ABR: variants seen among roughly 807,000 people sequenced by gnomAD.
The protein encoded by ABR is ABR activator of RhoGEF and GTPase.
In ABR, 35 loss-of-function variants were observed where a neutral mutation model predicts 107.2. The observed-to-expected ratio is 0.33, with a 90% CI of 0.25 to 0.43. ABR has a LOEUF of 0.43. Among genes scored for constraint, ABR ranks in the 20% least tolerant of loss-of-function variants. The pLI is 1.00. For missense variants in ABR, 815 were observed against 1,115.2 expected (o/e 0.73, Z 3.83); for synonymous variants, 498 against 462.0 (o/e 1.08, Z -1.00).
At position 1,104,995 on chromosome 17, in the gene ABR, T is replaced by C. The variant is rs571284988; in HGVS notation, c.247-4260A>G. Among the ~76,000 whole-genome samples, 11 of 151,764 alleles carry C rather than the reference T, an allele frequency of 7.2e-5. No individual in the cohort carries two copies. The South Asian group carries it at 1.2e-3, about 17-fold the overall frequency. The stretch of plus-strand genomic sequence containing the variant: ...CTATTCTTTACTCAATATTGTTCTT[T>C]ACAGTAACTTTTTTTTTTTTTTTTT... On this transcript the variant is annotated intron_variant, in intron 2 of 22. Coordinates refer to ENST00000302538, the MANE Select transcript of ABR (RefSeq NM_021962.5).
chr17:1,067,053 G>A, intron 10 of ABR, 24 bp downstream of exon 10: 3 of 1,610,124 alleles, frequency 1.9e-6, no homozygotes, highest in Non-Finnish European at 2.5e-6. Context: ...AGGGCCCCAG[G>A]CTCAGATACC....
intron 5 of ABR, among the ~76,000 whole-genome samples, chr17:1,079,607 G>A (rs1333162597): frequency 1.3e-5 from 2 of 151,862 alleles, no homozygotes; most frequent in Admixed American, 6.6e-5. Flanking sequence ...TGGTCAACAC[G>A]GTGAAACCCC....
At chr17:1,107,429 T>A (rs1291811765) in intron 2 of ABR, among the ~76,000 whole-genome samples, 1 of 152,180 alleles carries the variant, frequency 6.6e-6, no homozygotes, top group Admixed American at 6.5e-5. Context: ...TCCAGGAGAA[T>A]GGGATATAAT....
chr17:1,146,038 A>G (rs1316205345), intron 1 of ABR, among the ~76,000 whole-genome samples: 2 of 151,570 alleles, frequency 1.3e-5, no homozygotes, highest in Non-Finnish European at 2.9e-5. Flanking sequence ...CCTTCTCCCC[A>G]CTCCCAGCTC....
intron 5 of ABR, 173 bp downstream of exon 5, chr17:1,083,347 C>A (rs562833752): frequency 7.6e-5 from 22 of 289,674 alleles, no homozygotes; most frequent in African/African-American, 4.6e-4. Flanking sequence ...TAAAATAGAT[C>A]GTTTTCTATT....
intron 3 of ABR, among the ~76,000 whole-genome samples, chr17:1,098,075 CTTTTTTT>C (rs71372509): frequency 1.4e-5 from 2 of 140,668 alleles, no homozygotes; most frequent in African/African-American, 5.2e-5. Context: ...GTTTTCTTTT[CTTTTTTT>C]TTTTTTTTGT....
Position 1,012,674 on chromosome 17 carries a change from G to T in ABR, c.1961+14C>A. 1 of 1,559,744 alleles carries T rather than the reference G, an allele frequency of 6.4e-7. No individual in the cohort carries two copies. The highest frequency in any genetic ancestry group is 8.7e-7 in the Non-Finnish European group (1 of 1,149,716). On this transcript the variant is annotated intron_variant, in intron 18 of 22. Coordinates refer to ENST00000302538, the MANE Select transcript of ABR (RefSeq NM_021962.5). ...CACCGACGCCAGGACTGGGAGACCCGAGGCAGCACCTACTTCGTCACCACG... is the reference window on the plus strand; with the variant it reads ...CACCGACGCCAGGACTGGGAGACCCTAGGCAGCACCTACTTCGTCACCACG...
upstream of ABR, among the ~76,000 whole-genome samples, chr17:1,190,788 CG>C (rs1252505766): frequency 2.0e-5 from 3 of 152,360 alleles, no homozygotes; most frequent in Middle Eastern, 3.4e-3. Context: ...TGGTTGCTCA[CG>C]GTATGCTCAA....
rs1567833370 is a variant in ABR, at chr17:1,153,459, GCGGGAGGGCTGGGGGTCCAGGCACACCTA to G, written c.61+26179_61+26207del. 5.3e-3 allele frequency among the ~76,000 whole-genome samples: 698 copies of G among 131,068 alleles called. 22 individuals are homozygous for G. Among genetic ancestry groups the G allele is most frequent in the African/African-American group, 0.018 (581 of 32,112 alleles). The allele number at this position is 131,068 out of a possible 152,430, so 86.0% of individuals were successfully genotyped here. A position where few individuals can be genotyped will look rare whatever the true frequency, so the allele number is the denominator to read the frequency against. ...GAGGGCTGGGGGTCCAGGCACACCT[GCGGGAGGGCTGGGGGTCCAGGCACACCTA>G]CGGGAGGGCTGGGGGTCCAGGCACA... On this transcript the variant is annotated intron_variant, in intron 1 of 22. Transcript: ENST00000302538.
At chr17:1,137,142 CAAGT>C (rs1197654630) in intron 1 of ABR, among the ~76,000 whole-genome samples, 1 of 152,066 alleles carries the variant, frequency 6.6e-6, no homozygotes, top group African/African-American at 2.4e-5. Context: ...CTCCCAGGTT[CAAGT>C]GAGTCTCCCA....
At chr17:1,203,345 A>C (rs1598119344) in intron 1 of ABR, among the ~76,000 whole-genome samples, 3 of 49,176 alleles carry the variant, frequency 6.1e-5, no homozygotes, top group South Asian at 1.6e-3. Context: ...GTCCGCGGGG[A>C]GGAGCCTGCG....
intron 1 of ABR, among the ~76,000 whole-genome samples, chr17:1,137,726 T>C (rs1234737946): frequency 6.6e-6 from 1 of 152,056 alleles, no homozygotes; most frequent in Admixed American, 6.5e-5. Flanking sequence ...GCAGCATCTT[T>C]GAAGCTCAAC....
intron 1 of ABR, among the ~76,000 whole-genome samples, chr17:1,166,298 G>A (rs1207101699): frequency 1.3e-5 from 2 of 151,858 alleles, no homozygotes; most frequent in African/African-American, 4.8e-5. Flanking sequence ...TTCTCTCCAG[G>A]GCCAAGAGTC....
Position 1,050,561 on chromosome 17 carries a change from G to A in ABR, c.1635C>T (p.Asp545=). Residue 545 remains aspartate (D), a synonymous_variant, in exon 15 of 23, where the codon GAC becomes GAT. Coordinates refer to ENST00000302538, the MANE Select transcript of ABR (RefSeq NM_021962.5). This position sits in a 1 kb window ranked among gnomAD's most constrained non-coding sequence, Gnocchi z 4.6. ...VSKAKTRVFR[D]TAEPKWDEEF... ...CCTCATCCCACTTGGGCTCCGCTGT[G>A]TCCCGGAACACCCTGGTTTTGGCTT... The A allele has an allele frequency of 6.2e-7, 1 of 1,614,000 alleles. No individual in the cohort carries two copies. Among genetic ancestry groups the A allele is most frequent in the Non-Finnish European group, 8.5e-7 (1 of 1,179,972 alleles).
rs1260922959 is a variant in ABR, at chr17:1,100,847, G to C, written c.247-112C>G. 1.1e-5 allele frequency: 11 copies of C among 1,025,064 alleles called. No homozygotes were observed. In the South Asian group the frequency reaches 1.5e-4, roughly 14 times the overall value. 63.5% of individuals were successfully genotyped at this position (1,025,064 alleles called of 1,614,324 possible). ...CCGACCTTTATTTTTTTTTTGAGAC[G>C]AAGTCTCGCTCTGTCACCTAGGCTG... On this transcript the variant is annotated intron_variant, in intron 2 of 22. Coordinates refer to ENST00000302538, the MANE Select transcript of ABR (RefSeq NM_021962.5).
intron 4 of ABR, among the ~76,000 whole-genome samples, chr17:1,089,581 G>A (rs1415072310): frequency 1.3e-5 from 2 of 152,160 alleles, no homozygotes; most frequent in Non-Finnish European, 1.5e-5. Flanking sequence ...GCCCTTCCGA[G>A]TTCTCCCGAG....
rs1027285495 is a variant in ABR, at chr17:1,021,684, A to G, written c.1792-8520T>C. ...CCAGGCGTGGTGGCGGGTGCCTGTAATCCCAGCTACTGGGGAGGCTGAGGC... is the reference window on the plus strand; with the variant it reads ...CCAGGCGTGGTGGCGGGTGCCTGTAGTCCCAGCTACTGGGGAGGCTGAGGC... On this transcript the variant is annotated intron_variant, in intron 16 of 22. Coordinates refer to ENST00000302538, the MANE Select transcript of ABR (RefSeq NM_021962.5). Among the ~76,000 whole-genome samples, 57 of 152,072 alleles carry G rather than the reference A, an allele frequency of 3.7e-4. 1 individual carries two copies. Among genetic ancestry groups the G allele is most frequent in the African/African-American group, 9.4e-4 (39 of 41,474 alleles).
At chr17:1,048,251 C>T (rs1031323101) in intron 16 of ABR, among the ~76,000 whole-genome samples, 1 of 152,228 alleles carries the variant, frequency 6.6e-6, no homozygotes, top group African/African-American at 2.4e-5. Context: ...GGGTGCAGAC[C>T]CCACAGCATC....
In ABR at chr17:1,009,737, G is replaced by C. The variant is rs1239048419; in HGVS notation, c.2284C>G (p.Arg762Gly). The C allele has an allele frequency of 1.2e-6, 2 of 1,614,020 alleles. No homozygotes were observed. Among genetic ancestry groups the C allele is most frequent in the African/African-American group, 2.7e-5 (2 of 74,942 alleles). The change falls in exon 21 of 23, where the codon CGC becomes GGC. Residue 762 changes from arginine to glycine, a missense_variant. This residue lies in a region of ABR where 175 missense variants were observed against 284.3 expected (regional missense o/e 0.62). Transcript: ENST00000302538. Reference protein sequence around the residue: ...AKENCMMHLLRSLPDPNLITF... With the variant: ...AKENCMMHLLGSLPDPNLITF... ...ATGAGGTTGGGGTCGGGCAGGGAGC[G>C]GAGCAGGTGCATCATGCAGTTTTCC...
Sources: allele counts gnomAD v4.1 joint callset (sites outside exome capture counted in the v4.1 genomes callset), GRCh38; gene constraint gnomAD v4.1.1; regional missense constraint gnomAD v4.1.1; non-coding constraint Gnocchi (gnomAD v3.1); transcripts MANE v1.5; gene names NCBI Gene and HGNC (gene_info 2026-07-23, HGNC 2026-07-21).